Variants in RFC1 observed in about 807,000 individuals in gnomAD.
RFC1 encodes the protein replication factor C subunit 1.
In RFC1, 37 loss-of-function variants were observed where a neutral mutation model predicts 137.4. The observed-to-expected ratio is 0.27, with a 90% CI of 0.21 to 0.35. RFC1 has a LOEUF of 0.35. Among genes scored for constraint, RFC1 ranks in the 10% least tolerant of loss-of-function variants. RFC1 has a pLI of 1.00. For synonymous variants in RFC1, 429 were observed against 455.7 expected, an observed-to-expected ratio of 0.94 and a Z score of 0.75; for missense variants, 1,205 against 1,358.5, an observed-to-expected ratio of 0.89 and a Z score of 1.78.
In RFC1 at chr4:39,308,768, G is replaced by C. The variant is rs1738815895; in HGVS notation, c.1753C>G (p.Leu585Val). 1.2e-6 allele frequency: 2 copies of C among 1,614,020 alleles called. No individual in the cohort carries two copies. The highest frequency in any genetic ancestry group is 1.7e-6 in the Non-Finnish European group (2 of 1,180,016). ...DSSENKVENL[L>V]WVDKYKPTSL... ...GTTGGCTTATATTTATCCACCCAGA[G>C]CAAATTTTCCACTTTGTTTTCACTG... The change falls in exon 13 of 25, where the codon CTC becomes GTC. Residue 585 changes from leucine (L) to valine (V), a missense_variant. Physicochemically the swap from Leu to Val is conservative, Grantham distance 32. Around this residue, in one of 3 missense-constraint regions of RFC1, gnomAD observed 962 missense variants for 1,035.3 expected, o/e 0.93. Coordinates refer to ENST00000349703, the MANE Select transcript of RFC1 (RefSeq NM_002913.5).
intron 4 of RFC1, among the ~76,000 whole-genome samples, chr4:39,333,053 A>G (rs1450641412): frequency 6.6e-6 from 1 of 152,208 alleles, no homozygotes; most frequent in African/African-American, 2.4e-5. Flanking sequence ...TCTGGGAAAA[A>G]CAGTGCTGAA....
chr4:39,328,177 C>G (rs927418774), intron 4 of RFC1, among the ~76,000 whole-genome samples: 3 of 117,900 alleles, frequency 2.5e-5, no homozygotes, highest in Non-Finnish European at 4.1e-5. Flanking sequence ...TAACTTTTTC[C>G]CCCTATCTCC....
intron 2 of RFC1, among the ~76,000 whole-genome samples, chr4:39,348,000 C>T (rs1740943004): frequency 6.6e-6 from 1 of 152,112 alleles, no homozygotes; most frequent in Non-Finnish European, 1.5e-5. Flanking sequence ...AAGATGCGGC[C>T]TGAGTCCTCC....
chr4:39,301,177 G>A (rs1482535008), intron 19 of RFC1, among the ~76,000 whole-genome samples: 1 of 151,984 alleles, frequency 6.6e-6, no homozygotes, highest in African/African-American at 2.4e-5. Flanking sequence ...AAAGCCAACT[G>A]GAAAAGTCCA....
intron 2 of RFC1, among the ~76,000 whole-genome samples, chr4:39,347,732 G>A (rs898696222): frequency 2.6e-5 from 4 of 152,192 alleles, no homozygotes; most frequent in African/African-American, 9.7e-5. Flanking sequence ...AAGAGCTAGA[G>A]AAGAAGCCTC....
At position 39,295,523 on chromosome 4, in the gene RFC1, A is replaced by C; in HGVS notation, c.2954+91T>G. 3 of 1,125,388 alleles carry C rather than the reference A, an allele frequency of 2.7e-6. No homozygotes were observed. In the African/African-American group the frequency reaches 4.7e-5, roughly 17 times the overall value. 69.7% of individuals were successfully genotyped at this position (1,125,388 alleles called of 1,614,324 possible). The stretch of plus-strand genomic sequence containing the variant: ...AGTTACCAATAAAATAAAAACTAAA[A>C]CACAAATCTTTTGACTCACATGATC... On this transcript the variant is annotated intron_variant, in intron 22 of 24. Coordinates refer to ENST00000349703, the MANE Select transcript of RFC1 (RefSeq NM_002913.5).
intron 23 of RFC1, among the ~76,000 whole-genome samples, chr4:39,290,706 T>C (rs560589460): frequency 8.6e-5 from 13 of 151,442 alleles, no homozygotes; most frequent in African/African-American, 2.4e-4. Context: ...TCCCAGCTAC[T>C]TGGGAGGCTG....
At chr4:39,350,387 A>T (rs1741126275) in intron 2 of RFC1, among the ~76,000 whole-genome samples, 2 of 152,160 alleles carry the variant, frequency 1.3e-5, no homozygotes, top group Admixed American at 1.3e-4. Context: ...TTACAGATTA[A>T]AGAAGCTCAG....
intron 1 of RFC1, among the ~76,000 whole-genome samples, chr4:39,364,080 TAAAAAAAAAAA>T (rs34471101): frequency 1.6e-5 from 2 of 122,926 alleles, no homozygotes; most frequent in South Asian, 2.6e-4. Context: ...ACCTTGCCTT[TAAAAAAAAAAA>T]AAAAAAAAAA....
rs759240401 is a variant in RFC1 at position 39,304,791 on chromosome 4, CAGG to C, written c.2110+20_2110+22del. The C allele has an allele frequency of 2.3e-6, 3 of 1,286,348 alleles. No homozygotes were observed. The highest frequency in any genetic ancestry group is 3.4e-6 in the Non-Finnish European group (3 of 881,088). 79.7% of individuals were successfully genotyped at this position (1,286,348 alleles called of 1,614,324 possible). A position where few individuals can be genotyped will look rare whatever the true frequency, so the allele number is the denominator to read the frequency against. ...ACATATTTTTCTTATATAACAACAA[CAGG>C]AGGTCAAAAAGCCACATACTTGAAT... On this transcript the variant is annotated intron_variant, in intron 15 of 24. Coordinates refer to ENST00000349703, the MANE Select transcript of RFC1 (RefSeq NM_002913.5).
rs757307308 is a variant in RFC1, at chr4:39,351,443, C to T, written c.37G>A (p.Gly13Arg). The T allele has an allele frequency of 9.5e-6, 15 of 1,573,716 alleles. No homozygotes were observed. The highest frequency in any genetic ancestry group is 1.9e-5 in the Admixed American group (1 of 51,704). The change falls in exon 2 of 25, where the codon GGA becomes AGA. Residue 13 changes from glycine (G) to arginine (R), a missense_variant. Transcript: ENST00000349703. ...IRKFFGVIPS[G>R]KKLVSETVKK... ...ACTGTTTCACTTACAAGTTTCTTTC[C>T]ACTTGGTATTACTCCAAAGAATTTC...
chr4:39,351,458 C>A lies in RFC1; in HGVS notation c.22G>T (p.Gly8Ter). MDIRKFF[G>*]VIPSGKKLVS... ...AGTTTCTTTCCACTTGGTATTACTC[C>A]AAAGAATTTCCGAATGTCCTAAAAG... Residue 8 changes from glycine (G) to a stop codon, truncating the protein, a stop_gained, in exon 2 of 25, where the codon GGA becomes TGA. Transcript: ENST00000349703. LOFTEE classifies it high-confidence loss of function. The A allele has an allele frequency of 6.4e-7, 1 of 1,559,066 alleles. No homozygotes were observed. Among genetic ancestry groups the A allele is most frequent in the African/African-American group, 1.4e-5 (1 of 72,028 alleles).
chr4:39,343,891 T>G (rs952096993), intron 3 of RFC1, among the ~76,000 whole-genome samples: 4 of 151,970 alleles, frequency 2.6e-5, no homozygotes, highest in Non-Finnish European at 4.4e-5. Flanking sequence ...GCAGGCAAAA[T>G]CACCTGAGGT....
At position 39,311,469 on chromosome 4, in the gene RFC1, C is replaced by T. The variant is rs374520585; in HGVS notation, c.1464G>A (p.Lys488=). Residue 488 remains lysine (K), a synonymous_variant, in exon 12 of 25, where the codon AAG becomes AAA. Coordinates refer to ENST00000349703, the MANE Select transcript of RFC1 (RefSeq NM_002913.5). ...CCTCAGTTTCAACTGCTATTTCATACTTGGATTTCTTGCCTGGCATAGTCC... is the reference window on the plus strand; with the variant it reads ...CCTCAGTTTCAACTGCTATTTCATATTTGGATTTCTTGCCTGGCATAGTCC... The part of the protein sequence containing the change: ...LIRTMPGKKS[K]YEIAVETEMK... 3 of 1,613,808 alleles carry T rather than the reference C, an allele frequency of 1.9e-6. No homozygotes were observed. The highest frequency in any genetic ancestry group is 1.7e-6 in the Non-Finnish European group (2 of 1,179,890).
At chr4:39,360,768 G>A (rs948961834) in intron 1 of RFC1, among the ~76,000 whole-genome samples, 3 of 152,076 alleles carry the variant, frequency 2.0e-5, no homozygotes, top group African/African-American at 4.8e-5. Context: ...TTATGTCACT[G>A]TGTTCATTTT....
intron 14 of RFC1, 35 bp downstream of exon 14, chr4:39,306,557 T>C (rs775507137): frequency 1.4e-5 from 16 of 1,174,798 alleles, no homozygotes; most frequent in Non-Finnish European, 5.1e-6. Flanking sequence ...CCACTCGAGG[T>C]TATCTGTCCG....
chr4:39,295,573 C>G (rs774052986), intron 22 of RFC1, 41 bp downstream of exon 22: 1 of 1,547,976 alleles, frequency 6.5e-7, no homozygotes, highest in African/African-American at 1.4e-5. Context: ...GCCAAATACA[C>G]CAAATCGATA....
chr4:39,308,630 A>G lies in RFC1; in HGVS notation c.1885+6T>C, dbSNP rs1383143786. On this transcript the variant is annotated splice_donor_region_variant and intron_variant, in intron 13 of 24. Transcript: ENST00000349703. ...CACACAAAAATGAGTGAGGTTGTAA[A>G]ATCACCGTGTTTTTTATCTTCGGAA... The G allele has an allele frequency of 3.7e-6, 6 of 1,605,312 alleles. No individual in the cohort carries two copies. In the African/African-American group the frequency reaches 4.0e-5, roughly 11 times the overall value.
chr4:39,360,334 C>T (rs1378689501), intron 1 of RFC1, among the ~76,000 whole-genome samples: 1 of 152,066 alleles, frequency 6.6e-6, no homozygotes, highest in South Asian at 2.1e-4. Context: ...AACCCCATCT[C>T]TACTAAAAAT....
Sources: allele counts gnomAD v4.1 joint callset (sites outside exome capture counted in the v4.1 genomes callset), GRCh38; gene constraint gnomAD v4.1.1; regional missense constraint gnomAD v4.1.1; transcripts MANE v1.5; gene names NCBI Gene and HGNC (gene_info 2026-07-23, HGNC 2026-07-21).